The following VAC14 variants were observed in gnomAD, a reference collection of about 807,000 sequenced individuals.
VAC14 encodes the protein VAC14 component of PIKFYVE complex.
In VAC14, 47 loss-of-function variants were observed where a neutral mutation model predicts 85.3. The observed-to-expected ratio is 0.55, with a 90% CI of 0.44 to 0.70. VAC14 has a LOEUF of 0.70. Ranked by LOEUF, VAC14 falls within the 30% of genes least tolerant of loss-of-function variation. The pLI is 0.00. For missense variants in VAC14, 861 were observed against 1,004.3 expected (o/e 0.86, Z 1.93); for synonymous variants, 447 against 430.5 (o/e 1.04, Z -0.47).
At chr16:70,689,245 G>GT (rs779280611) in intron 18 of VAC14, 98 of 985,278 alleles carry the variant, frequency 9.9e-5, no homozygotes, top group Non-Finnish European at 1.2e-4. Context: ...GACACGATGT[G>GT]TAAGAGCTTC....
intron 7 of VAC14, 141 bp from the exon 8 acceptor site, chr16:70,782,144 T>C (rs1177096558): frequency 5.0e-6 from 6 of 1,199,384 alleles, no homozygotes; most frequent in Admixed American, 2.6e-5. Flanking sequence ...AATGCTCTAC[T>C]ACCTGTGTGC....
chr16:70,691,038 A>G, intron 18 of VAC14: 1 of 985,410 alleles, frequency 1.0e-6, no homozygotes, highest in Non-Finnish European at 1.2e-6. Context: ...AGGCCTGCAA[A>G]GCATCCACTG....
intron 14 of VAC14, among the ~76,000 whole-genome samples, chr16:70,720,953 C>T (rs1052414530): frequency 2.0e-5 from 3 of 152,172 alleles, no homozygotes; most frequent in Non-Finnish European, 2.9e-5. Flanking sequence ...AAAAAATGAG[C>T]GCTGACTTGA....
chr16:70,727,362 C>T (rs549859206), intron 14 of VAC14, among the ~76,000 whole-genome samples: 9 of 152,220 alleles, frequency 5.9e-5, no homozygotes, highest in Non-Finnish European at 7.4e-5. Flanking sequence ...TTTTTTGAGA[C>T]GAAGTCTTGC....
At chr16:70,785,365 T>C (rs1458896887) in intron 3 of VAC14, among the ~76,000 whole-genome samples, 1 of 152,210 alleles carries the variant, frequency 6.6e-6, no homozygotes, top group Non-Finnish European at 1.5e-5. Context: ...AGTGCAGCCC[T>C]CCCTAAAGGG....
intron 5 of VAC14, 83 bp downstream of exon 5, chr16:70,784,030 A>T: frequency 8.9e-7 from 1 of 1,128,852 alleles, no homozygotes; most frequent in Non-Finnish European, 1.3e-6. Context: ...GGGTTCCTAT[A>T]GCCAAAGGGC....
intron 14 of VAC14, among the ~76,000 whole-genome samples, chr16:70,703,840 A>C (rs2053874326): frequency 6.6e-6 from 1 of 152,212 alleles, no homozygotes; most frequent in Non-Finnish European, 1.5e-5. Flanking sequence ...CTGAGACTAC[A>C]CAGCCTTGCC....
intron 12 of VAC14, among the ~76,000 whole-genome samples, chr16:70,758,633 TCAGGCAGCATGGCGGCTGCCCAGCTGC>T (rs2032065196): frequency 6.6e-6 from 1 of 152,180 alleles, no homozygotes; most frequent in Admixed American, 6.5e-5. Flanking sequence ...CAGAACTCAC[TCAGGCAGCATGGCGGCTGCCCAGCTGC>T]CAGGCAGCCA....
chr16:70,744,303 C>T lies in VAC14; in HGVS notation c.1528+120G>A, dbSNP rs2030651314. 3.6e-6 allele frequency: 5 copies of T among 1,405,848 alleles called. No homozygotes were observed. In the East Asian group the frequency reaches 1.0e-4, roughly 28 times the overall value. 87.1% of individuals were successfully genotyped at this position (1,405,848 alleles called of 1,614,324 possible). ...CGCCAGTAGCAACCCACAGACCCCT[C>T]ACACCCTGGCAGAGCTCCAGAGCTC... On this transcript the variant is annotated intron_variant, in intron 13 of 18. Coordinates refer to ENST00000261776, the MANE Select transcript of VAC14 (RefSeq NM_018052.5).
Position 70,772,446 on chromosome 16 carries a change from C to G in VAC14, c.1097-274G>C, listed in dbSNP as rs539216263. 6 of 399,554 alleles carry G rather than the reference C, an allele frequency of 1.5e-5. No individual in the cohort carries two copies. In the Admixed American group the frequency reaches 1.6e-4, roughly 11 times the overall value. The allele number at this position is 399,554 out of a possible 1,614,324, so 24.8% of individuals were successfully genotyped here. ...TCAAATCTCAGAAGGGATCACTGGC[C>G]TGAGGGGAATGGATGTTTAAAATGA... On this transcript the variant is annotated intron_variant, in intron 9 of 18. Transcript: ENST00000261776.
At chr16:70,775,911 T>C (rs925185185) in intron 9 of VAC14, among the ~76,000 whole-genome samples, 2 of 152,238 alleles carry the variant, frequency 1.3e-5, no homozygotes, top group East Asian at 3.8e-4. Flanking sequence ...CTTATTTTAA[T>C]AGGTATTGTC....
Position 70,762,490 on chromosome 16 carries a change from G to A in VAC14, c.1371+50C>T, listed in dbSNP as rs1377615892. ...AGCATATCTCAGTCACTAACAAGGG[G>A]AGGCAGGGCAGCCGATGTTCCATAA... On this transcript the variant is annotated intron_variant, in intron 12 of 18. Transcript: ENST00000261776. This position sits in a 1 kb window ranked among gnomAD's most constrained non-coding sequence, Gnocchi z 4.1. 1 of 1,562,430 alleles carries A rather than the reference G, an allele frequency of 6.4e-7. No homozygotes were observed. The highest frequency in any genetic ancestry group is 1.7e-5 in the Admixed American group (1 of 59,596).
intron 8 of VAC14, 49 bp downstream of exon 8, chr16:70,781,820 A>T: frequency 3.7e-6 from 6 of 1,601,080 alleles, no homozygotes; most frequent in Non-Finnish European, 5.1e-6. Context: ...TCAACTTCAT[A>T]ATCCCTTTGG....
intron 13 of VAC14, among the ~76,000 whole-genome samples, chr16:70,736,321 T>C (rs976215660): frequency 2.0e-5 from 3 of 152,214 alleles, no homozygotes; most frequent in South Asian, 2.1e-4. Context: ...AAGCGTCCCA[T>C]AGCGCAGAGC....
At chr16:70,741,235 A>G (rs1597916446) in intron 13 of VAC14, among the ~76,000 whole-genome samples, 1 of 152,380 alleles carries the variant, frequency 6.6e-6, no homozygotes, top group East Asian at 1.9e-4. Context: ...GGCCAGATGG[A>G]AACAGACAGA....
intron 13 of VAC14, among the ~76,000 whole-genome samples, chr16:70,742,097 A>G (rs187917592): frequency 6.6e-6 from 1 of 152,336 alleles, no homozygotes; most frequent in Admixed American, 6.5e-5. Context: ...TAGGGAAGAC[A>G]GGTCACAGAG....
chr16:70,770,322 C>G (rs1291648734), intron 10 of VAC14: 1 of 152,484 alleles, frequency 6.6e-6, no homozygotes, highest in Non-Finnish European at 1.5e-5. Flanking sequence ...CAGCCTGAGC[C>G]CCCATCCCCT....
chr16:70,744,491 T>A lies in VAC14; in HGVS notation c.1460A>T (p.Asp487Val). 1 of 1,613,120 alleles carries A rather than the reference T, an allele frequency of 6.2e-7. No homozygotes were observed. Among genetic ancestry groups the A allele is most frequent in the Non-Finnish European group, 8.5e-7 (1 of 1,179,876 alleles). The change falls in exon 13 of 19, where the codon GAC becomes GTC. Residue 487 changes from aspartate to valine, a missense_variant. Around this residue, in one of 3 missense-constraint regions of VAC14, gnomAD observed 629 missense variants for 703.1 expected, o/e 0.89. Transcript: ENST00000261776. ...TDDPGPLDGP[D>V]LQASHSELQV... ...GAGCTCTGAGTGGCTGGCCTGGAGG[T>A]CAGGGCCATCGAGGGGGCCTGGGTC...
At chr16:70,767,367 C>T (rs907829336) in intron 10 of VAC14, among the ~76,000 whole-genome samples, 1 of 152,174 alleles carries the variant, frequency 6.6e-6, no homozygotes, top group African/African-American at 2.4e-5. Context: ...AATAGAATTG[C>T]TTCTGAAATT....
Sources: gnomAD v4.1 joint callset for allele counts (sites outside exome capture counted in the v4.1 genomes callset) on GRCh38, gnomAD v4.1.1 for gene constraint, gnomAD v4.1.1 regional missense constraint, Gnocchi (gnomAD v3.1) non-coding constraint, MANE v1.5 for transcripts, NCBI Gene and HGNC (gene_info 2026-07-23, HGNC 2026-07-21) for gene names.